The following ADAMTSL1 variants were observed in gnomAD, a reference collection of about 807,000 sequenced individuals.
ADAMTSL1 encodes ADAMTS like 1, also known as ADAMTS-like protein 1.
In ADAMTSL1, 126 loss-of-function variants were observed where a neutral mutation model predicts 201.8. The ratio of observed to expected loss-of-function variants is 0.62; its 90% CI spans 0.54 to 0.72. The LOEUF (loss-of-function observed/expected upper bound fraction) is 0.72. Ranked by LOEUF, ADAMTSL1 falls within the 30% of genes least tolerant of loss-of-function variation. The pLI is 0.00. For missense variants in ADAMTSL1, 2,679 were observed against 2,277.8 expected (o/e 1.18, Z -3.59); for synonymous variants, 1,121 against 903.4 (o/e 1.24, Z -4.32).
At chr9:18,364,402 T>C (rs1836672716) in intron 2 of ADAMTSL1, among the ~76,000 whole-genome samples, 2 of 152,194 alleles carry the variant, frequency 1.3e-5, no homozygotes, top group Admixed American at 1.3e-4. Flanking sequence ...ATTGTGTCCA[T>C]GTTGATAATG....
chr9:18,367,220 A>T (rs1168394120), intron 2 of ADAMTSL1, among the ~76,000 whole-genome samples: 1 of 152,256 alleles, frequency 6.6e-6, no homozygotes, highest in Non-Finnish European at 1.5e-5. Flanking sequence ...GACAAGACAC[A>T]TGTAAATATA....
Position 18,680,381 on chromosome 9 carries a change from C to T in ADAMTSL1, c.1206C>T (p.Ser402=). ...CGGGIQSRAV[S]CVEEDIQGHV... ...GGGGCATCCAGAGCCGGGCAGTTTC[C>T]TGTGTGGAGGAGGACATCCAGGGGC... The change falls in exon 11 of 29, where the codon TCC becomes TCT. Residue 402 remains serine, a synonymous_variant. Transcript: ENST00000380548. 6.2e-7 allele frequency: 1 copy of T among 1,614,166 alleles called. No individual in the cohort carries two copies. The highest frequency in any genetic ancestry group is 8.5e-7 in the Non-Finnish European group (1 of 1,180,028).
intron 2 of ADAMTSL1, among the ~76,000 whole-genome samples, chr9:18,252,623 T>C (rs1291091804): frequency 6.6e-6 from 1 of 151,938 alleles, no homozygotes; most frequent in Non-Finnish European, 1.5e-5. Context: ...ACAAATGCAA[T>C]TTTTTTTCAA....
At chr9:18,069,725 A>T (rs1254708762) in intron 1 of ADAMTSL1, among the ~76,000 whole-genome samples, 1 of 152,170 alleles carries the variant, frequency 6.6e-6, no homozygotes, top group African/African-American at 2.4e-5. Flanking sequence ...TGGAGGGTGG[A>T]TTGAGTAGAA....
chr9:17,973,064 A>AATGAGTAATAT (rs1818280646), intron 1 of ADAMTSL1, among the ~76,000 whole-genome samples: 2 of 12,426 alleles, frequency 1.6e-4, no homozygotes, highest in African/African-American at 2.0e-4. Flanking sequence ...CTGGATATTA[A>AATGAGTAATAT]CCCTTTGTCA....
At chr9:18,440,378 T>C (rs1264178069) in intron 2 of ADAMTSL1, among the ~76,000 whole-genome samples, 1 of 151,962 alleles carries the variant, frequency 6.6e-6, no homozygotes, top group African/African-American at 2.4e-5. Flanking sequence ...TTTCTATAAA[T>C]ACTACTATAA....
chr9:18,241,788 T>C (rs1308006449), intron 2 of ADAMTSL1, among the ~76,000 whole-genome samples: 1 of 152,010 alleles, frequency 6.6e-6, no homozygotes, highest in Non-Finnish European at 1.5e-5. Context: ...GGATAACTTC[T>C]TAGAAAAATA....
chr9:18,633,389 A>T (rs974494721), intron 5 of ADAMTSL1, among the ~76,000 whole-genome samples: 2 of 152,060 alleles, frequency 1.3e-5, no homozygotes, highest in African/African-American at 4.8e-5. Context: ...CAGGAGTTCA[A>T]GACCTGCCTG....
chr9:18,445,468 C>T (rs1384648744), intron 2 of ADAMTSL1, among the ~76,000 whole-genome samples: 2 of 152,192 alleles, frequency 1.3e-5, no homozygotes, highest in East Asian at 3.9e-4. Flanking sequence ...TTTAAGAGTT[C>T]TTCAATATCC....
At chr9:18,799,449 G>T (rs955310198) in intron 20 of ADAMTSL1, among the ~76,000 whole-genome samples, 2 of 152,206 alleles carry the variant, frequency 1.3e-5, no homozygotes, top group African/African-American at 4.8e-5. Flanking sequence ...CAGGTAAATT[G>T]CTTCAGTCTG....
chr9:17,914,420 C>A (rs1826006775), intron 1 of ADAMTSL1, among the ~76,000 whole-genome samples: 1 of 152,146 alleles, frequency 6.6e-6, no homozygotes, highest in Non-Finnish European at 1.5e-5. Context: ...ATGACAAAAA[C>A]CACATGATTA....
chr9:18,750,114 A>G (rs150170224), intron 15 of ADAMTSL1, among the ~76,000 whole-genome samples: 2,168 of 152,344 alleles, frequency 0.014, 27 homozygotes, highest in South Asian at 0.027. Context: ...TACACCCACA[A>G]CATTTTAGTA....
intron 23 of ADAMTSL1, among the ~76,000 whole-genome samples, chr9:18,853,048 A>G (rs1433472422): frequency 9.9e-5 from 15 of 152,134 alleles, no homozygotes; most frequent in Admixed American, 9.8e-4. Flanking sequence ...TTGTTTCTTT[A>G]AGGAACCTGG....
At position 18,706,846 on chromosome 9, in the gene ADAMTSL1, C is replaced by T. The variant is rs753788839; in HGVS notation, c.1674C>T (p.Ser558=). Residue 558 remains serine, a synonymous_variant, in exon 14 of 29, where the codon TCC becomes TCT. Coordinates refer to ENST00000380548, the MANE Select transcript of ADAMTSL1 (RefSeq NM_001040272.6). The stretch of plus-strand genomic sequence containing the variant: ...AGGTGCTCCTGTCTTTCTCTCAGTC[C>T]GTGGCTGACCTGCCTATTGACGAGT... ...RCQVLLSFSQ[S]VADLPIDECE... The T allele has an allele frequency of 1.9e-5, 31 of 1,612,704 alleles. No individual in the cohort carries two copies. The South Asian group carries it at 2.5e-4, about 13-fold the overall frequency.
chr9:18,464,379 A>G (rs1820922278), intron 2 of ADAMTSL1, among the ~76,000 whole-genome samples: 1 of 152,226 alleles, frequency 6.6e-6, no homozygotes, highest in Admixed American at 6.5e-5. Context: ...AAATTGTAGT[A>G]TTGTTACACA....
Position 18,889,624 on chromosome 9 carries a change from G to A in ADAMTSL1, c.4519G>A (p.Gly1507Arg), listed in dbSNP as rs1382785709. The change falls in exon 25 of 29, where the codon GGG (glycine) becomes AGG (arginine). Residue 1507 changes from glycine to arginine, a missense_variant. Coordinates refer to ENST00000380548, the MANE Select transcript of ADAMTSL1 (RefSeq NM_001040272.6). ...ATCSASCGNRGVQQPRLRCLL... is the reference protein window; with the variant it reads ...ATCSASCGNRRVQQPRLRCLL... ...CTGCTCAGCCTCCTGTGGTAACCGG[G>A]GGGTTCAGCAGCCCCGCTTGAGGTG... The A allele has an allele frequency of 1.9e-6, 3 of 1,613,504 alleles. No individual in the cohort carries two copies. The highest frequency in any genetic ancestry group is 1.7e-5 in the Admixed American group (1 of 59,948).
intron 2 of ADAMTSL1, among the ~76,000 whole-genome samples, chr9:18,265,453 T>C (rs1478095709): frequency 1.3e-5 from 2 of 152,192 alleles, no homozygotes; most frequent in Non-Finnish European, 2.9e-5. Flanking sequence ...GAAGAGACTT[T>C]TATTGTCTCC....
At chr9:18,590,303 T>C (rs74590402) in intron 4 of ADAMTSL1, among the ~76,000 whole-genome samples, 11,723 of 152,144 alleles carry the variant, frequency 0.077, 548 homozygotes, top group South Asian at 0.21. Context: ...TTTATTGGTA[T>C]ATAATTGTTT....
At position 18,795,461 on chromosome 9, in the gene ADAMTSL1, T is replaced by C. The variant is rs778504744; in HGVS notation, c.3742T>C (p.Tyr1248His). Residue 1248 changes from tyrosine (Y) to histidine (H), a missense_variant, in exon 20 of 29, where the codon TAC becomes CAC. Tyr to His is a moderately conservative substitution (Grantham distance 83). Coordinates refer to ENST00000380548, the MANE Select transcript of ADAMTSL1 (RefSeq NM_001040272.6). The stretch of plus-strand genomic sequence containing the variant: ...ACCAGTGGAAGCAGATGTGGGTTTC[T>C]ACACTTGCAATGCCACCAATGCCTT... Reference protein sequence around the residue: ...LAPVEADVGFYTCNATNALGY... With the variant: ...LAPVEADVGFHTCNATNALGY... The C allele has an allele frequency of 6.2e-7, 1 of 1,613,934 alleles. No individual in the cohort carries two copies. Among genetic ancestry groups the C allele is most frequent in the South Asian group, 1.1e-5 (1 of 91,082 alleles).
Sources: gnomAD v4.1 joint callset for allele counts (sites outside exome capture counted in the v4.1 genomes callset) on GRCh38, gnomAD v4.1.1 for gene constraint, MANE v1.5 for transcripts, NCBI Gene and HGNC (gene_info 2026-07-23, HGNC 2026-07-21) for gene names.